Variants in PCDHGB1 observed in about 807,000 individuals in gnomAD.
PCDHGB1 encodes protocadherin gamma-B1.
In PCDHGB1, 34 loss-of-function variants were observed where a neutral mutation model predicts 56.6. The observed-to-expected ratio is 0.60, with a 90% CI of 0.46 to 0.80. PCDHGB1 has a LOEUF of 0.80. Among genes scored for constraint, PCDHGB1 ranks in the 30% least tolerant of loss-of-function variants. The probability of loss-of-function intolerance (pLI) is 0.00; values close to 1 mark genes in which losing one functional copy is unlikely to be tolerated. For synonymous variants in PCDHGB1, 561 were observed against 505.9 expected (o/e 1.11, Z -1.46); for missense variants, 1,278 against 1,204.6 (o/e 1.06, Z -0.90).
chr5:141,431,907 T>A lies in PCDHGB1; in HGVS notation c.2410-62900T>A, dbSNP rs2097427946. 2 of 1,613,964 alleles carry A rather than the reference T, an allele frequency of 1.2e-6. No homozygotes were observed. Among genetic ancestry groups the A allele is most frequent in the South Asian group, 2.2e-5 (2 of 91,086 alleles). Reference sequence around the variant, plus strand: ...GATTCTGAGGAAAACGGACAGGTGATCTGTTTCATCCAAGGAAATCTGCCC... The same window carrying A: ...GATTCTGAGGAAAACGGACAGGTGAACTGTTTCATCCAAGGAAATCTGCCC... On this transcript the variant is annotated intron_variant, in intron 1 of 3. Transcript: ENST00000523390. This position sits in a 1 kb window ranked among gnomAD's most constrained non-coding sequence, Gnocchi z 4.8.
chr5:141,374,643 A>G (rs1283839211), intron 1 of PCDHGB1: 1 of 1,612,916 alleles, frequency 6.2e-7, no homozygotes, highest in Admixed American at 1.7e-5. Flanking sequence ...AGCGAAGCCC[A>G]TGGGCCCAAG....
At position 141,491,291 on chromosome 5, in the gene PCDHGB1, C is replaced by G; in HGVS notation, c.2410-3516C>G. On this transcript the variant is annotated intron_variant, in intron 1 of 3. Coordinates refer to ENST00000523390, the MANE Select transcript of PCDHGB1 (RefSeq NM_018922.3). The surrounding 1 kb of genome is among the most constrained non-coding windows in gnomAD (Gnocchi z 6.9). ...AAATCCAGTGACTTCCTCATACACCCTCCTGAGCGTTCAGACCTTACCCTT... is the reference window on the plus strand; with the variant it reads ...AAATCCAGTGACTTCCTCATACACCGTCCTGAGCGTTCAGACCTTACCCTT... 2 of 1,614,152 alleles carry G rather than the reference C, an allele frequency of 1.2e-6. No homozygotes were observed. The highest frequency in any genetic ancestry group is 1.7e-6 in the Non-Finnish European group (2 of 1,179,974).
intron 1 of PCDHGB1, among the ~76,000 whole-genome samples, chr5:141,448,869 T>C (rs1375609555): frequency 6.6e-6 from 1 of 151,930 alleles, no homozygotes; most frequent in Non-Finnish European, 1.5e-5. Flanking sequence ...GGCGTGAACC[T>C]GGGAGGCGGA....
chr5:141,393,430 C>T, intron 1 of PCDHGB1: 1 of 1,614,040 alleles, frequency 6.2e-7, no homozygotes, highest in Non-Finnish European at 8.5e-7. Context: ...GAGGAAGAGG[C>T]TGCTCACCAC....
chr5:141,481,913 C>CAAAAAAAAAAAAA (rs34114744), intron 1 of PCDHGB1, among the ~76,000 whole-genome samples: 1 of 90,852 alleles, frequency 1.1e-5, no homozygotes. Flanking sequence ...AACTCCATCT[C>CAAAAAAAAAAAAA]AAAAAAAAAA....
At chr5:141,421,748 G>A (rs763166274) in intron 1 of PCDHGB1, 4 of 1,613,944 alleles carry the variant, frequency 2.5e-6, no homozygotes, top group South Asian at 2.2e-5. Context: ...TACCAGCTCA[G>A]CCCTAATAAT....
At chr5:141,405,370 G>C in intron 1 of PCDHGB1, 1 of 1,606,236 alleles carries the variant, frequency 6.2e-7, no homozygotes, top group Non-Finnish European at 8.5e-7. Flanking sequence ...ACACCCCTTT[G>C]GTTCCGGTGA....
At chr5:141,374,134 C>T in intron 1 of PCDHGB1, 4 of 1,605,352 alleles carry the variant, frequency 2.5e-6, no homozygotes, top group Non-Finnish European at 3.4e-6. Context: ...TCCTGCTCCT[C>T]ACGCTCCTGG....
intron 1 of PCDHGB1, among the ~76,000 whole-genome samples, chr5:141,401,848 T>C (rs1476670200): frequency 6.6e-6 from 1 of 152,230 alleles, no homozygotes; most frequent in Non-Finnish European, 1.5e-5. Flanking sequence ...TACCACTTAC[T>C]TTTAACCTTT....
At chr5:141,389,736 G>C in intron 1 of PCDHGB1, 1 of 1,612,710 alleles carries the variant, frequency 6.2e-7, no homozygotes, top group Non-Finnish European at 8.5e-7. Context: ...CTTCAGCCTG[G>C]GGCTGCGCAC....
chr5:141,410,349 G>A, intron 1 of PCDHGB1: 1 of 1,613,994 alleles, frequency 6.2e-7, no homozygotes, highest in Non-Finnish European at 8.5e-7. Flanking sequence ...TTGCGCCTGC[G>A]ACGCTCTCTC....
At chr5:141,418,026 T>A (rs2154547454) in intron 1 of PCDHGB1, 1 of 1,613,962 alleles carries the variant, frequency 6.2e-7, no homozygotes, top group East Asian at 2.2e-5. Context: ...GATCTAGGGC[T>A]TAGTGTCCTG....
At position 141,350,486 on chromosome 5, in the gene PCDHGB1, T is replaced by G. The variant is rs1353463823; in HGVS notation, c.226T>G (p.Leu76Val). Residue 76 changes from leucine to valine, a missense_variant, in exon 1 of 4, where the codon TTG becomes GTG. Coordinates refer to ENST00000523390, the MANE Select transcript of PCDHGB1 (RefSeq NM_018922.3). ...TGCAGAGGATTATTTCAACGTTAGT[T>G]TGGAGAGCGGGGATTTGTTAGTGAA... ...VSAEDYFNVS[L>V]ESGDLLVNGR... 4 of 1,613,770 alleles carry G rather than the reference T, an allele frequency of 2.5e-6. No homozygotes were observed. The highest frequency in any genetic ancestry group is 3.4e-6 in the Non-Finnish European group (4 of 1,179,862).
At chr5:141,403,261 G>A in intron 1 of PCDHGB1, 1 of 1,613,852 alleles carries the variant, frequency 6.2e-7, no homozygotes, top group East Asian at 2.2e-5. Flanking sequence ...CGCGGTGTCT[G>A]GTGAACTTTA....
At position 141,350,947 on chromosome 5, in the gene PCDHGB1, T is replaced by A; in HGVS notation, c.687T>A (p.Val229=). Residue 229 remains valine, a synonymous_variant, in exon 1 of 4, where the codon GTT becomes GTA. Coordinates refer to ENST00000523390, the MANE Select transcript of PCDHGB1 (RefSeq NM_018922.3). ...LSGTTHIWIR[V]TDANDNAPVF... ...GCACCACCCATATCTGGATCCGAGT[T>A]ACGGATGCCAATGATAATGCTCCCG... is the stretch of plus-strand genomic sequence containing the variant. 1.2e-6 allele frequency: 2 copies of A among 1,614,070 alleles called. No individual in the cohort carries two copies. The highest frequency in any genetic ancestry group is 1.7e-6 in the Non-Finnish European group (2 of 1,179,890).
intron 1 of PCDHGB1, chr5:141,427,571 G>A: frequency 1.5e-6 from 1 of 662,942 alleles, no homozygotes. Flanking sequence ...GCAAGCCTCC[G>A]CTCTCATCCA....
Position 141,412,979 on chromosome 5 carries a change from C to G in PCDHGB1, c.2409+60310C>G, listed in dbSNP as rs2154544283. ...CACCTACTAGGAGAGAAAACGCAGCCAGAGCTCAATCCGGATTCTCAGGGC... is the reference window on the plus strand; with the variant it reads ...CACCTACTAGGAGAGAAAACGCAGCGAGAGCTCAATCCGGATTCTCAGGGC... On this transcript the variant is annotated intron_variant, in intron 1 of 3. Coordinates refer to ENST00000523390, the MANE Select transcript of PCDHGB1 (RefSeq NM_018922.3). 5.5e-6 allele frequency: 3 copies of G among 542,930 alleles called. No individual in the cohort carries two copies. In the East Asian group the frequency reaches 9.2e-5, roughly 17 times the overall value. 33.6% of individuals were successfully genotyped at this position (542,930 alleles called of 1,614,324 possible). A position where few individuals can be genotyped will look rare whatever the true frequency, so the allele number is the denominator to read the frequency against.
chr5:141,374,390 C>T, intron 1 of PCDHGB1: 2 of 1,614,024 alleles, frequency 1.2e-6, no homozygotes, highest in Non-Finnish European at 1.7e-6. Flanking sequence ...CCCGCGGTGT[C>T]TGGTGAGTTT....
chr5:141,376,736 G>T (rs1158010904), intron 1 of PCDHGB1: 1 of 522,720 alleles, frequency 1.9e-6, no homozygotes, highest in Non-Finnish European at 3.2e-6. Flanking sequence ...CCGGACTGCG[G>T]ACTGCAGTGG....
Sources: gnomAD v4.1 joint callset for allele counts (sites outside exome capture counted in the v4.1 genomes callset) on GRCh38, gnomAD v4.1.1 for gene constraint, Gnocchi (gnomAD v3.1) non-coding constraint, MANE v1.5 for transcripts, NCBI Gene and HGNC (gene_info 2026-07-23, HGNC 2026-07-21) for gene names.